The following CBLL1 variants were observed in gnomAD, a reference collection of about 807,000 sequenced individuals.
CBLL1 encodes the protein Cbl proto-oncogene like 1, also known as E3 ubiquitin-protein ligase Hakai.
CBLL1 carries 4 observed loss-of-function variants against 44.9 expected under a neutral mutation model. The observed-to-expected ratio is 0.09, with a 90% confidence interval of 0.04 to 0.20. The LOEUF is 0.20. Ranked by LOEUF, CBLL1 falls within the 10% of genes least tolerant of loss-of-function variation. CBLL1 has a pLI of 1.00. For synonymous variants in CBLL1, 235 were observed against 202.2 expected, an observed-to-expected ratio of 1.16 and a Z score of -1.38; for missense variants, 569 against 636.7, an observed-to-expected ratio of 0.89 and a Z score of 1.14.
In CBLL1 at chr7:107,758,981, A is replaced by G; in HGVS notation, c.1279A>G (p.Asn427Asp). The G allele has an allele frequency of 1.2e-6, 2 of 1,613,648 alleles. No homozygotes were observed. The highest frequency in any genetic ancestry group is 1.7e-6 in the Non-Finnish European group (2 of 1,179,882). The change falls in exon 6 of 6, where the codon AAC (asparagine) becomes GAC (aspartate). Residue 427 changes from asparagine to aspartate, a missense_variant. This residue lies in a region of CBLL1 where 228 missense variants were observed against 253.2 expected (regional missense o/e 0.90). Transcript: ENST00000440859. This position sits in a 1 kb window ranked among gnomAD's most constrained non-coding sequence, Gnocchi z 4.2. ...TAPPPHHYNP[N>D]SLPQFTEDQG... is the part of the protein sequence containing the mutation. The stretch of plus-strand genomic sequence containing the variant: ...ACCCCCTCCTCACCATTATAATCCT[A>G]ACTCATTACCCCAGTTCACTGAAGA...
intron 1 of CBLL1, 61 bp downstream of exon 1, chr7:107,744,237 G>C (rs1455394360): frequency 6.7e-7 from 1 of 1,498,122 alleles, no homozygotes; most frequent in East Asian, 2.6e-5. Flanking sequence ...CCTGGGGCTG[G>C]TCGCACAGCA....
Position 107,760,750 on chromosome 7 carries a change from T to C in CBLL1, c.*1572T>C, listed in dbSNP as rs763321425. On this transcript the variant is annotated 3_prime_UTR_variant, in exon 6 of 6. Transcript: ENST00000440859. ...TTCTTTTGACAAAGGGTGATCTGAT[T>C]GCTAATTTACCATTTTATTCTGTCA... The C allele has an allele frequency of 2.0e-5, 3 of 152,232 alleles. No homozygotes were observed. Among genetic ancestry groups the C allele is most frequent in the Non-Finnish European group, 4.4e-5 (3 of 67,916 alleles). 9.4% of individuals were successfully genotyped at this position (152,232 alleles called of 1,614,324 possible).
At chr7:107,755,029 G>A (rs529634422) in intron 4 of CBLL1, among the ~76,000 whole-genome samples, 1 of 152,154 alleles carries the variant, frequency 6.6e-6, no homozygotes, top group African/African-American at 2.4e-5. Context: ...TGGAGGCTGA[G>A]GTGGGAACAT....
At position 107,755,541 on chromosome 7, in the gene CBLL1, A is replaced by G. The variant is rs376631682; in HGVS notation, c.440+50A>G. On this transcript the variant is annotated intron_variant, in intron 5 of 5. Coordinates refer to ENST00000440859, the MANE Select transcript of CBLL1 (RefSeq NM_024814.4). ...TTTTAAATAATAAAGTTTTAGTGCA[A>G]TGATTTATAAGTTGGATTAAAGGTT... The G allele has an allele frequency of 4.0e-5, 43 of 1,082,470 alleles. No homozygotes were observed. In the African/African-American group the frequency reaches 4.1e-4, roughly 10 times the overall value. 67.1% of individuals were successfully genotyped at this position (1,082,470 alleles called of 1,614,324 possible).
intron 1 of CBLL1, among the ~76,000 whole-genome samples, chr7:107,745,961 T>TA (rs1347104529): frequency 6.6e-6 from 1 of 152,070 alleles, no homozygotes; most frequent in Admixed American, 6.5e-5. Flanking sequence ...GCACTGAAAA[T>TA]ACGTATTTGG....
intron 5 of CBLL1, 160 bp downstream of exon 5, chr7:107,755,651 C>G (rs758978753): frequency 7.6e-6 from 3 of 393,734 alleles, no homozygotes; most frequent in Non-Finnish European, 1.4e-5. Flanking sequence ...TTAGGTTTCT[C>G]TTTAATATAG....
At chr7:107,756,999 C>G (rs1011201551) in intron 5 of CBLL1, among the ~76,000 whole-genome samples, 2 of 152,020 alleles carry the variant, frequency 1.3e-5, no homozygotes, top group Non-Finnish European at 2.9e-5. Context: ...TTACAGTGAA[C>G]TAGAAGCAAA....
intron 1 of CBLL1, chr7:107,744,520 G>A: frequency 6.1e-6 from 2 of 325,468 alleles, no homozygotes. Flanking sequence ...GGAGACTGGC[G>A]GGTAGATTGC....
intron 1 of CBLL1, among the ~76,000 whole-genome samples, chr7:107,747,486 A>G (rs571085039): frequency 7.2e-5 from 11 of 152,340 alleles, no homozygotes; most frequent in South Asian, 2.1e-4. Flanking sequence ...CTTTTGGCCA[A>G]TGCATTGCTT....
intron 4 of CBLL1, among the ~76,000 whole-genome samples, chr7:107,754,437 T>C (rs976782588): frequency 6.6e-6 from 1 of 152,074 alleles, no homozygotes; most frequent in Non-Finnish European, 1.5e-5. Flanking sequence ...ATTAAAAAAA[T>C]TTTACAATCC....
In CBLL1 at chr7:107,755,438, T is replaced by C. The variant is rs1229024215; in HGVS notation, c.387T>C (p.Phe129=). ...TACAGATTCCATGCAAGCATGTTTTTTGCTATGACTGTGCTATTTTACATG... is the reference window on the plus strand; with the variant it reads ...TACAGATTCCATGCAAGCATGTTTTCTGCTATGACTGTGCTATTTTACATG... ...YGRMIPCKHV[F]CYDCAILHEK... The change falls in exon 5 of 6, where the codon TTT becomes TTC. Residue 129 remains phenylalanine, a synonymous_variant. Coordinates refer to ENST00000440859, the MANE Select transcript of CBLL1 (RefSeq NM_024814.4). 6.3e-7 allele frequency: 1 copy of C among 1,583,546 alleles called. No homozygotes were observed.
rs754784126 is a variant in CBLL1, at chr7:107,758,322, C to T, written c.620C>T (p.Pro207Leu). The T allele has an allele frequency of 1.9e-6, 3 of 1,614,102 alleles. No homozygotes were observed. Among genetic ancestry groups the T allele is most frequent in the Non-Finnish European group, 2.5e-6 (3 of 1,180,028 alleles). ...VTRASLENVHPPIAPPPTEIP... is the reference protein window; with the variant it reads ...VTRASLENVHLPIAPPPTEIP... ...CGTGCTTCACTTGAAAATGTTCATC[C>T]TCCTATTGCCCCACCACCAACTGAA... Residue 207 changes from proline to leucine, a missense_variant, in exon 6 of 6, where the codon CCT (proline) becomes CTT (leucine). Coordinates refer to ENST00000440859, the MANE Select transcript of CBLL1 (RefSeq NM_024814.4). The surrounding 1 kb of genome is among the most constrained non-coding windows in gnomAD (Gnocchi z 4.2).
In CBLL1 at chr7:107,758,024, G is replaced by A; in HGVS notation, c.441-119G>A. ...CGTAGAATAACTGTAACTTCTAATT[G>A]TGGACTTTTGCTATGTTTTATGTAA... is the stretch of plus-strand genomic sequence containing the variant. On this transcript the variant is annotated intron_variant, in intron 5 of 5. Transcript: ENST00000440859. This position sits in a 1 kb window ranked among gnomAD's most constrained non-coding sequence, Gnocchi z 4.2. 1.1e-6 allele frequency: 1 copy of A among 885,934 alleles called. No homozygotes were observed. The highest frequency in any genetic ancestry group is 1.8e-5 in the South Asian group (1 of 54,328). 54.9% of individuals were successfully genotyped at this position (885,934 alleles called of 1,614,324 possible). A position where few individuals can be genotyped will look rare whatever the true frequency, so the allele number is the denominator to read the frequency against.
intron 3 of CBLL1, 41 bp downstream of exon 3, chr7:107,753,552 A>C: frequency 2.6e-6 from 3 of 1,143,056 alleles, no homozygotes; most frequent in Non-Finnish European, 3.7e-6. Context: ...ACAATAAAAT[A>C]TTTTAAGTAT....
chr7:107,748,484 G>A (rs1188957622), intron 1 of CBLL1, among the ~76,000 whole-genome samples: 1 of 150,368 alleles, frequency 6.7e-6, no homozygotes, highest in East Asian at 2.0e-4. Flanking sequence ...CATGGAGACA[G>A]GGATGGTTTT....
chr7:107,746,657 G>A (rs1006905936), intron 1 of CBLL1, among the ~76,000 whole-genome samples: 2 of 152,188 alleles, frequency 1.3e-5, no homozygotes, highest in Admixed American at 1.3e-4. Context: ...AATATTAAAG[G>A]ATTAAGAGGT....
chr7:107,757,536 C>T (rs1380703901), intron 5 of CBLL1, among the ~76,000 whole-genome samples: 1 of 152,118 alleles, frequency 6.6e-6, no homozygotes, highest in African/African-American at 2.4e-5. Flanking sequence ...ATTTAGTGCT[C>T]ACAAATTAGA....
intron 2 of CBLL1, among the ~76,000 whole-genome samples, chr7:107,752,802 G>A (rs1391376150): frequency 6.6e-6 from 1 of 152,106 alleles, no homozygotes; most frequent in Non-Finnish European, 1.5e-5. Context: ...ATGAGAATAC[G>A]ATATGGCTCC....
Position 107,758,389 on chromosome 7 carries a change from G to A in CBLL1, c.687G>A (p.Met229Ile). The A allele has an allele frequency of 6.2e-7, 1 of 1,613,992 alleles. No individual in the cohort carries two copies. Among genetic ancestry groups the A allele is most frequent in the East Asian group, 2.2e-5 (1 of 44,872 alleles). Residue 229 changes from methionine (M) to isoleucine (I), a missense_variant, in exon 6 of 6, where the codon ATG becomes ATA. Transcript: ENST00000440859. The surrounding 1 kb of genome is among the most constrained non-coding windows in gnomAD (Gnocchi z 4.2). ...RFIMPPDKHHMSHIPPKQHIM... is the reference protein window; with the variant it reads ...RFIMPPDKHHISHIPPKQHIM... The stretch of plus-strand genomic sequence containing the variant: ...TAATGCCACCAGACAAGCACCATAT[G>A]AGCCATATTCCGCCAAAGCAGCACA...
Sources: gnomAD v4.1 joint callset for allele counts (sites outside exome capture counted in the v4.1 genomes callset) on GRCh38, gnomAD v4.1.1 for gene constraint, gnomAD v4.1.1 regional missense constraint, Gnocchi (gnomAD v3.1) non-coding constraint, MANE v1.5 for transcripts, NCBI Gene and HGNC (gene_info 2026-07-23, HGNC 2026-07-21) for gene names.